AXDND1: variants seen among roughly 807,000 people sequenced by gnomAD.
The protein encoded by AXDND1 is axonemal dynein light chain domain-containing protein 1.
A neutral mutation model predicts 137.5 loss-of-function variants in AXDND1; 110 were observed. That is an observed-to-expected ratio of 0.80 (90% CI 0.69 to 0.94). The LOEUF (loss-of-function observed/expected upper bound fraction) is 0.94. AXDND1 is among the 40% of genes least tolerant of loss of function. The probability of loss-of-function intolerance (pLI) is 0.00; values close to 1 mark genes in which losing one functional copy is unlikely to be tolerated. For synonymous variants in AXDND1, 414 were observed against 399.7 expected, an observed-to-expected ratio of 1.04 and a Z score of -0.43; for missense variants, 1,191 against 1,169.8, an observed-to-expected ratio of 1.02 and a Z score of -0.26.
chr1:179,381,992 C>T (rs902080177), intron 6 of AXDND1, among the ~76,000 whole-genome samples: 1 of 141,008 alleles, frequency 7.1e-6, no homozygotes, highest in Admixed American at 7.7e-5. Flanking sequence ...CGGGGTTTCA[C>T]CATGTTGGCC....
chr1:179,421,035 C>CCCTTCCTTCCTTCCTT (rs143579938), intron 12 of AXDND1, among the ~76,000 whole-genome samples: 5 of 134,788 alleles, frequency 3.7e-5, no homozygotes, highest in Middle Eastern at 3.9e-3. Flanking sequence ...ATTTGGGTAT[C>CCCTTCCTTCCTTCCTT]CCTTCCTTCC....
chr1:179,443,957 A>G (rs1341803422), intron 15 of AXDND1, among the ~76,000 whole-genome samples: 1 of 138,140 alleles, frequency 7.2e-6, no homozygotes, highest in Non-Finnish European at 1.6e-5. Flanking sequence ...TAAGATCCCA[A>G]CAAACCATTT....
In AXDND1 at chr1:179,437,644, C is replaced by T. The variant is rs572890696; in HGVS notation, c.1563+5302C>T. Among the ~76,000 whole-genome samples, 11 of 151,266 alleles carry T rather than the reference C, an allele frequency of 7.3e-5. No individual in the cohort carries two copies. The South Asian group carries it at 1.7e-3, about 23-fold the overall frequency. On this transcript the variant is annotated intron_variant, in intron 15 of 25. Transcript: ENST00000367618. The stretch of plus-strand genomic sequence containing the variant: ...TGGGCAGCTCTCATTTTCCAATTGG[C>T]GGTCCATCCGATTTTACAGACTATG...
intron 25 of AXDND1, among the ~76,000 whole-genome samples, chr1:179,541,032 G>A (rs1479772813): frequency 1.3e-5 from 2 of 152,178 alleles, no homozygotes; most frequent in East Asian, 1.9e-4. Flanking sequence ...CCCCGACCAA[G>A]CTCCAGCATC....
In AXDND1 at chr1:179,525,394, G is replaced by A. The variant is rs751589299; in HGVS notation, c.2557G>A (p.Glu853Lys). 27 of 1,612,192 alleles carry A rather than the reference G, an allele frequency of 1.7e-5. No homozygotes were observed. The highest frequency in any genetic ancestry group is 1.1e-4 in the South Asian group (10 of 90,924). ...IDESFKEDEE[E>K]SKEDRKLQEE... is the part of the protein sequence containing the mutation. ...CGAGTCTTTTAAAGAAGATGAAGAAGAAAGTAAGGAGGATAGGAAACTTCA... is the reference window on the plus strand; with the variant it reads ...CGAGTCTTTTAAAGAAGATGAAGAAAAAAGTAAGGAGGATAGGAAACTTCA... The change falls in exon 22 of 26, where the codon GAA becomes AAA. Residue 853 changes from glutamate (E) to lysine (K), a missense_variant. Physicochemically the swap from Glu to Lys is moderately conservative, Grantham distance 56. Coordinates refer to ENST00000367618, the MANE Select transcript of AXDND1 (RefSeq NM_144696.6).
chr1:179,447,645 A>G, intron 16 of AXDND1: 3 of 1,311,530 alleles, frequency 2.3e-6, no homozygotes, highest in Non-Finnish European at 3.2e-6. Flanking sequence ...CAACTCGAAG[A>G]TCTGGTTTTC....
intron 11 of AXDND1, among the ~76,000 whole-genome samples, chr1:179,402,774 A>G (rs1652304839): frequency 6.6e-6 from 1 of 152,168 alleles, no homozygotes; most frequent in Non-Finnish European, 1.5e-5. Context: ...TCTCTACAGA[A>G]AGTTGTCATA....
At chr1:179,375,260 G>T (rs1668474483) in intron 4 of AXDND1, among the ~76,000 whole-genome samples, 1 of 151,556 alleles carries the variant, frequency 6.6e-6, no homozygotes, top group South Asian at 2.1e-4. Flanking sequence ...CACCACATCT[G>T]GCTAGTTTTT....
In AXDND1 at chr1:179,464,558, C is replaced by A. The variant is rs376523045; in HGVS notation, c.1799-3885C>A. Among the ~76,000 whole-genome samples the A allele has an allele frequency of 9.2e-5, 14 of 152,228 alleles. No individual in the cohort carries two copies. In the East Asian group the frequency reaches 1.7e-3, roughly 19 times the overall value. The stretch of plus-strand genomic sequence containing the variant: ...TGGCTGCCCTTAACATTTTTTCCTT[C>A]ATTTCAACTTTGGTGAATCTGACAA... On this transcript the variant is annotated intron_variant, in intron 16 of 25. Transcript: ENST00000367618.
At position 179,395,175 on chromosome 1, in the gene AXDND1, C is replaced by G. The variant is rs1384048024; in HGVS notation, c.1082C>G (p.Ala361Gly). Residue 361 changes from alanine (A) to glycine (G), a missense_variant, in exon 11 of 26, where the codon GCT (alanine) becomes GGT (glycine). Ala to Gly is a moderately conservative substitution (Grantham distance 60). Coordinates refer to ENST00000367618, the MANE Select transcript of AXDND1 (RefSeq NM_144696.6). ...AAAGCCCACAAGGATTTGGCACAAG[C>G]TCTTTTAAATGCGGAAAAGAATGCC... ...TEKAHKDLAQ[A>G]LLNAEKNAKI... 6.2e-7 allele frequency: 1 copy of G among 1,613,288 alleles called. No individual in the cohort carries two copies. The highest frequency in any genetic ancestry group is 8.5e-7 in the Non-Finnish European group (1 of 1,179,674).
At chr1:179,386,905 T>C (rs972610091) in intron 9 of AXDND1, among the ~76,000 whole-genome samples, 1 of 152,004 alleles carries the variant, frequency 6.6e-6, no homozygotes, top group African/African-American at 2.4e-5. Context: ...TTTTGTATTT[T>C]TTTTTGTAGA....
At chr1:179,401,795 G>A (rs780373137) in intron 11 of AXDND1, among the ~76,000 whole-genome samples, 3 of 151,948 alleles carry the variant, frequency 2.0e-5, no homozygotes, top group Non-Finnish European at 2.9e-5. Context: ...ATGTAAGAGG[G>A]GCCTTTCACC....
intron 12 of AXDND1, among the ~76,000 whole-genome samples, chr1:179,412,445 G>T (rs1654041298): frequency 1.3e-5 from 2 of 152,110 alleles, no homozygotes; most frequent in African/African-American, 2.4e-5. Context: ...TAATACATCT[G>T]CATTAGAGCT....
chr1:179,465,133 C>T (rs1021911208), intron 16 of AXDND1, among the ~76,000 whole-genome samples: 6 of 152,260 alleles, frequency 3.9e-5, no homozygotes, highest in African/African-American at 1.4e-4. Flanking sequence ...TCATCAAAGT[C>T]ATTCTCCATC....
intron 9 of AXDND1, among the ~76,000 whole-genome samples, chr1:179,389,146 C>T (rs1040350601): frequency 1.3e-5 from 2 of 151,468 alleles, no homozygotes; most frequent in Admixed American, 1.3e-4. Flanking sequence ...GCTAATTTTG[C>T]ATTTTTAGTA....
intron 17 of AXDND1, among the ~76,000 whole-genome samples, chr1:179,472,807 A>T (rs1459711788): frequency 1.3e-5 from 2 of 152,188 alleles, no homozygotes; most frequent in African/African-American, 4.8e-5. Context: ...CTATCAGTAC[A>T]GCCACACCAG....
In AXDND1 at chr1:179,366,516, C is replaced by G; in HGVS notation, c.7C>G (p.Leu3Val). MS[L>V]PKTPSTPLNS... is the part of the protein sequence containing the mutation. The stretch of plus-strand genomic sequence containing the variant: ...ATAGGAGGCATTGTTTATTATGTCT[C>G]TCCCGAAAACGCCCTCCACCCCGCT... Residue 3 changes from leucine (L) to valine (V), a missense_variant, in exon 2 of 26, where the codon CTC (leucine) becomes GTC (valine). Coordinates refer to ENST00000367618, the MANE Select transcript of AXDND1 (RefSeq NM_144696.6). 2 of 1,611,662 alleles carry G rather than the reference C, an allele frequency of 1.2e-6. No individual in the cohort carries two copies. The highest frequency in any genetic ancestry group is 2.2e-5 in the East Asian group (1 of 44,860).
chr1:179,375,577 T>C (rs1049050478), intron 4 of AXDND1, among the ~76,000 whole-genome samples: 1 of 148,770 alleles, frequency 6.7e-6, no homozygotes, highest in African/African-American at 2.5e-5. Context: ...TACATACATA[T>C]ATGTACATAT....
intron 23 of AXDND1, among the ~76,000 whole-genome samples, chr1:179,529,468 T>A (rs141415428): frequency 4.3e-4 from 65 of 152,296 alleles, no homozygotes; most frequent in African/African-American, 1.4e-3. Flanking sequence ...GCCTTCAGAA[T>A]GAAGATCCAG....
Sources: allele counts gnomAD v4.1 joint callset (sites outside exome capture counted in the v4.1 genomes callset), GRCh38; gene constraint gnomAD v4.1.1; transcripts MANE v1.5; gene names NCBI Gene and HGNC (gene_info 2026-07-23, HGNC 2026-07-21).